Variants in ARHGAP20 observed in about 807,000 individuals in gnomAD.
ARHGAP20 encodes rho GTPase-activating protein 20.
Under a neutral mutation model 73.7 loss-of-function variants are expected in ARHGAP20, and 34 were observed. That is an observed-to-expected ratio of 0.46 (90% CI 0.35 to 0.61). The LOEUF is 0.61. ARHGAP20 is among the 20% of genes least tolerant of loss of function. The pLI, the probability that ARHGAP20 is intolerant of heterozygous loss-of-function variation, is 0.00. For synonymous variants in ARHGAP20, 523 were observed against 518.2 expected (o/e 1.01, Z -0.13); for missense variants, 1,314 against 1,420.9 (o/e 0.92, Z 1.21).
chr11:110,657,139 G>T (rs975875264), intron 2 of ARHGAP20, among the ~76,000 whole-genome samples: 1 of 152,126 alleles, frequency 6.6e-6, no homozygotes, highest in Non-Finnish European at 1.5e-5. Flanking sequence ...GTCTCTTGAG[G>T]ATTTATTTTA....
At chr11:110,588,878 T>C (rs1277454728) in intron 11 of ARHGAP20, among the ~76,000 whole-genome samples, 1 of 152,152 alleles carries the variant, frequency 6.6e-6, no homozygotes, top group Non-Finnish European at 1.5e-5. Context: ...GAGACCATCC[T>C]GGCTAACACA....
In ARHGAP20 at chr11:110,579,551, C is replaced by A; in HGVS notation, c.3395G>T (p.Arg1132Ile). 6.2e-7 allele frequency: 1 copy of A among 1,613,978 alleles called. No homozygotes were observed. Among genetic ancestry groups the A allele is most frequent in the Non-Finnish European group, 8.5e-7 (1 of 1,179,852 alleles). ...ATGTGACTTCATGCACAGCTTAAGT[C>A]TGCTCTCCACCAGGCTGAATGGAGA... is the stretch of plus-strand genomic sequence containing the variant. ...CSSPFSLVESRLKLCMKSHEE... is the reference protein window; with the variant it reads ...CSSPFSLVESILKLCMKSHEE... Residue 1132 changes from arginine (R) to isoleucine (I), a missense_variant, in exon 15 of 15, where the codon AGA (arginine) becomes ATA (isoleucine). By Grantham distance (97) the Arg-to-Ile change is moderately conservative. This residue lies in a region of ARHGAP20 where 641 missense variants were observed against 636.9 expected (regional missense o/e 1.01). Coordinates refer to ENST00000683387, the MANE Select transcript of ARHGAP20 (RefSeq NM_001384657.1).
chr11:110,622,941 A>G (rs1328686388), intron 4 of ARHGAP20, among the ~76,000 whole-genome samples: 1 of 152,156 alleles, frequency 6.6e-6, no homozygotes, highest in Non-Finnish European at 1.5e-5. Flanking sequence ...CTCTTCTTAA[A>G]AAAAGAAGTT....
intron 1 of ARHGAP20, chr11:110,711,883 G>A (rs1028554867): frequency 1.6e-5 from 21 of 1,311,234 alleles, no homozygotes; most frequent in Non-Finnish European, 2.0e-5. Context: ...GAGGCTGCGA[G>A]GTCGCTCGAG....
Position 110,578,018 on chromosome 11 carries a change from G to C in ARHGAP20, c.*1352C>G. On this transcript the variant is annotated 3_prime_UTR_variant, in exon 15 of 15. Coordinates refer to ENST00000683387, the MANE Select transcript of ARHGAP20 (RefSeq NM_001384657.1). ...AATGGGCTCAGAGCAACTTCTTATA[G>C]GTTAGTAGTTAATGTGAAAGAAGAT... 1 of 985,360 alleles carries C rather than the reference G, an allele frequency of 1.0e-6. No homozygotes were observed. Among genetic ancestry groups the C allele is most frequent in the South Asian group, 4.7e-5 (1 of 21,288 alleles). The allele number at this position is 985,360 out of a possible 1,614,324, so 61.0% of individuals were successfully genotyped here. A position where few individuals can be genotyped will look rare whatever the true frequency, so the allele number is the denominator to read the frequency against.
chr11:110,683,722 A>G (rs764481294), intron 2 of ARHGAP20, among the ~76,000 whole-genome samples: 17 of 152,170 alleles, frequency 1.1e-4, no homozygotes, highest in Admixed American at 2.6e-4. Flanking sequence ...AAAAGGTACT[A>G]TTATGACTCC....
At position 110,608,979 on chromosome 11, in the gene ARHGAP20, C is replaced by G; in HGVS notation, c.775+5G>C. Reference sequence around the variant, plus strand: ...ATGCTATCTTAGACTTTTGCAAAAACTTACCAATGAGTGGGTATGGAGCCT... The same window carrying G: ...ATGCTATCTTAGACTTTTGCAAAAAGTTACCAATGAGTGGGTATGGAGCCT... On this transcript the variant is annotated splice_donor_5th_base_variant and intron_variant, in intron 8 of 14. Transcript: ENST00000683387. 1.2e-6 allele frequency: 2 copies of G among 1,612,218 alleles called. No individual in the cohort carries two copies. Among genetic ancestry groups the G allele is most frequent in the Non-Finnish European group, 1.7e-6 (2 of 1,178,980 alleles).
At chr11:110,683,124 G>GT (rs1486830601) in intron 2 of ARHGAP20, among the ~76,000 whole-genome samples, 1 of 152,078 alleles carries the variant, frequency 6.6e-6, no homozygotes, top group Non-Finnish European at 1.5e-5. Flanking sequence ...CAAAACAAAA[G>GT]TGGATACATT....
At chr11:110,587,955 T>G (rs1009067547) in intron 11 of ARHGAP20, among the ~76,000 whole-genome samples, 2 of 152,218 alleles carry the variant, frequency 1.3e-5, no homozygotes, top group African/African-American at 4.8e-5. Flanking sequence ...TGTACCCACT[T>G]TAGAAGTTAG....
At chr11:110,677,644 C>T (rs1949959156) in intron 2 of ARHGAP20, among the ~76,000 whole-genome samples, 2 of 150,200 alleles carry the variant, frequency 1.3e-5, no homozygotes, top group African/African-American at 5.0e-5. Flanking sequence ...GACTCTGTCT[C>T]AGGAAAAACA....
chr11:110,586,306 G>T lies in ARHGAP20; in HGVS notation c.1325C>A (p.Pro442Gln). 6.4e-7 allele frequency: 1 copy of T among 1,571,858 alleles called. No homozygotes were observed. The highest frequency in any genetic ancestry group is 1.2e-5 in the South Asian group (1 of 83,022). The change falls in exon 12 of 15, where the codon CCA (proline) becomes CAA (glutamine). Residue 442 changes from proline (P) to glutamine (Q), a missense_variant. Physicochemically the swap from Pro to Gln is moderately conservative, Grantham distance 76 (BLOSUM62 -1). Coordinates refer to ENST00000683387, the MANE Select transcript of ARHGAP20 (RefSeq NM_001384657.1). Reference sequence around the variant, plus strand: ...GAGATCTGATGAAAAAATACTTCCTGGAATATTTCGCAGAAAATCCTTAAA... The same window carrying T: ...GAGATCTGATGAAAAAATACTTCCTTGAATATTTCGCAGAAAATCCTTAAA... ...SVLKDFLRNI[P>Q]GSIFSSDLYD...
At chr11:110,660,132 A>T (rs1260356609) in intron 2 of ARHGAP20, among the ~76,000 whole-genome samples, 1 of 152,008 alleles carries the variant, frequency 6.6e-6, no homozygotes, top group Non-Finnish European at 1.5e-5. Flanking sequence ...TCAGAACTAC[A>T]TATAGGGCTT....
At position 110,577,194 on chromosome 11, in the gene ARHGAP20, A is replaced by G. The variant is rs1257688909; in HGVS notation, c.*2176T>C. 1.3e-6 allele frequency: 2 copies of G among 1,526,564 alleles called. No homozygotes were observed. Among genetic ancestry groups the G allele is most frequent in the East Asian group, 2.5e-5 (1 of 40,700 alleles). The allele number at this position is 1,526,564 out of a possible 1,614,324, so 94.6% of individuals were successfully genotyped here. On this transcript the variant is annotated 3_prime_UTR_variant, in exon 15 of 15. Coordinates refer to ENST00000683387, the MANE Select transcript of ARHGAP20 (RefSeq NM_001384657.1). ...ACACATTTATTACATAACATATGGTAGTAAAATTTGTCAAGATATATTATA... is the reference window on the plus strand; with the variant it reads ...ACACATTTATTACATAACATATGGTGGTAAAATTTGTCAAGATATATTATA...
At chr11:110,651,805 A>G (rs1949361538) in intron 2 of ARHGAP20, among the ~76,000 whole-genome samples, 1 of 152,070 alleles carries the variant, frequency 6.6e-6, no homozygotes, top group Non-Finnish European at 1.5e-5. Context: ...ATTCTACCAG[A>G]GGTACAAAGA....
chr11:110,620,339 T>C (rs185192457), intron 4 of ARHGAP20, among the ~76,000 whole-genome samples: 288 of 152,212 alleles, frequency 1.9e-3, no homozygotes, highest in African/African-American at 6.6e-3. Context: ...TTTGTAGAGA[T>C]AGAATCTTGC....
chr11:110,597,807 A>C lies in ARHGAP20; in HGVS notation c.965-5652T>G, dbSNP rs1429878593. On this transcript the variant is annotated intron_variant, in intron 9 of 14. Transcript: ENST00000683387. ...TTATTATATATACACACGGCATTCAACCTGAGCATTCAGGATTCCTCTGGG... is the reference window on the plus strand; with the variant it reads ...TTATTATATATACACACGGCATTCACCCTGAGCATTCAGGATTCCTCTGGG... Among the ~76,000 whole-genome samples the C allele has an allele frequency of 2.0e-5, 3 of 152,196 alleles. No individual in the cohort carries two copies. The East Asian group carries it at 5.8e-4, about 29-fold the overall frequency.
At chr11:110,588,741 G>C (rs1246439694) in intron 11 of ARHGAP20, among the ~76,000 whole-genome samples, 1 of 152,160 alleles carries the variant, frequency 6.6e-6, no homozygotes, top group Non-Finnish European at 1.5e-5. Flanking sequence ...TTTAAGAAGT[G>C]TAATGCTATG....
intron 2 of ARHGAP20, among the ~76,000 whole-genome samples, chr11:110,644,315 CA>C (rs1048269462): frequency 3.1e-4 from 47 of 152,016 alleles, no homozygotes; most frequent in African/African-American, 1.1e-3. Flanking sequence ...TTCCAAAATT[CA>C]AACAAAACAA....
intron 2 of ARHGAP20, among the ~76,000 whole-genome samples, chr11:110,647,352 T>G (rs1479754928): frequency 1.3e-5 from 2 of 152,048 alleles, no homozygotes; most frequent in Admixed American, 1.3e-4. Context: ...ACCAACCTTT[T>G]GAATTTGGTA....
Sources: allele counts gnomAD v4.1 joint callset (sites outside exome capture counted in the v4.1 genomes callset), GRCh38; gene constraint gnomAD v4.1.1; regional missense constraint gnomAD v4.1.1; transcripts MANE v1.5; gene names NCBI Gene and HGNC (gene_info 2026-07-23, HGNC 2026-07-21).